PPFIA2: variants seen among roughly 807,000 people sequenced by gnomAD.
The protein encoded by PPFIA2 is PPFI scaffold protein A2.
PPFIA2 carries 46 observed loss-of-function variants against 175.5 expected under a neutral mutation model. The ratio of observed to expected loss-of-function variants is 0.26; its 90% confidence interval spans 0.21 to 0.34. The LOEUF (loss-of-function observed/expected upper bound fraction) is 0.34, where lower values mean the gene tolerates loss of function less well. PPFIA2 is among the 10% of genes least tolerant of loss of function. The probability of loss-of-function intolerance (pLI) is 1.00; values close to 1 mark genes in which losing one functional copy is unlikely to be tolerated. For synonymous variants in PPFIA2, 568 were observed against 511.4 expected (o/e 1.11, Z -1.49); for missense variants, 1,179 against 1,506.1 (o/e 0.78, Z 3.60).
chr12:81,552,951 T>A (rs1417630302), intron 4 of PPFIA2, among the ~76,000 whole-genome samples: 1 of 152,160 alleles, frequency 6.6e-6, no homozygotes, highest in South Asian at 2.1e-4. Flanking sequence ...TTTTTCCATA[T>A]AATAAATAGT....
At chr12:81,677,577 CA>C (rs2072788563) in intron 3 of PPFIA2, among the ~76,000 whole-genome samples, 1 of 151,882 alleles carries the variant, frequency 6.6e-6, no homozygotes, top group African/African-American at 2.4e-5. Flanking sequence ...ATAGCTCTTA[CA>C]TATGAGTAAG....
chr12:81,531,071 G>A (rs1015104159), intron 4 of PPFIA2, among the ~76,000 whole-genome samples: 12 of 151,800 alleles, frequency 7.9e-5, no homozygotes, highest in African/African-American at 2.7e-4. Flanking sequence ...ATAAATTCAA[G>A]ATGCAGGAAG....
intron 9 of PPFIA2, among the ~76,000 whole-genome samples, chr12:81,379,992 A>G (rs2037279411): frequency 6.6e-6 from 1 of 152,194 alleles, no homozygotes; most frequent in African/African-American, 2.4e-5. Context: ...ATTACAACAT[A>G]CATTTATTAC....
intron 4 of PPFIA2, among the ~76,000 whole-genome samples, chr12:81,653,069 C>T (rs1366562505): frequency 6.6e-6 from 1 of 152,074 alleles, no homozygotes; most frequent in Non-Finnish European, 1.5e-5. Context: ...ACCAAACTCC[C>T]ACCACTTACC....
At chr12:81,336,946 G>T (rs1339906417) in intron 21 of PPFIA2, among the ~76,000 whole-genome samples, 1 of 152,050 alleles carries the variant, frequency 6.6e-6, no homozygotes, top group East Asian at 1.9e-4. Flanking sequence ...GCAGTACTAG[G>T]TTGTAGTCCC....
chr12:81,442,284 T>C (rs2050319987), intron 6 of PPFIA2, among the ~76,000 whole-genome samples: 1 of 152,062 alleles, frequency 6.6e-6, no homozygotes, highest in South Asian at 2.1e-4. Context: ...AGTTATGTTA[T>C]AAATTGAAAA....
chr12:81,696,234 G>C (rs2075875390), intron 3 of PPFIA2, among the ~76,000 whole-genome samples: 1 of 152,160 alleles, frequency 6.6e-6, no homozygotes, highest in Admixed American at 6.6e-5. Flanking sequence ...GGGTTAAGTG[G>C]CAGTAGCACA....
At chr12:81,412,340 A>G (rs1016313892) in intron 7 of PPFIA2, among the ~76,000 whole-genome samples, 3 of 149,916 alleles carry the variant, frequency 2.0e-5, no homozygotes, top group Non-Finnish European at 4.5e-5. Context: ...GGAGGCAAAA[A>G]AAAAAAAAAA....
At chr12:81,734,952 T>C (rs950843071) in intron 3 of PPFIA2, among the ~76,000 whole-genome samples, 1 of 151,826 alleles carries the variant, frequency 6.6e-6, no homozygotes, top group African/African-American at 2.4e-5. Flanking sequence ...GCTTCCTTCA[T>C]TTAGCATGAT....
At chr12:81,405,760 T>C (rs1035391988) in intron 8 of PPFIA2, 27 bp downstream of exon 8, 3 of 1,223,670 alleles carry the variant, frequency 2.5e-6, no homozygotes, top group South Asian at 1.5e-5. Flanking sequence ...AACATTTCCA[T>C]GTAAGAGCAT....
At chr12:81,502,080 T>C (rs1047297414) in intron 4 of PPFIA2, among the ~76,000 whole-genome samples, 5 of 152,152 alleles carry the variant, frequency 3.3e-5, no homozygotes, top group African/African-American at 1.2e-4. Context: ...ACCTGATTTA[T>C]AATTTTGAGA....
intron 8 of PPFIA2, among the ~76,000 whole-genome samples, chr12:81,386,566 G>A (rs1395836701): frequency 1.3e-5 from 2 of 151,670 alleles, no homozygotes; most frequent in Non-Finnish European, 2.9e-5. Flanking sequence ...AGGTTGTAGT[G>A]AGCCATGATT....
chr12:81,372,513 GAAAA>G (rs3075257), intron 11 of PPFIA2, among the ~76,000 whole-genome samples: 21,309 of 93,654 alleles, frequency 0.23, 2,228 homozygotes, highest in East Asian at 0.49. Flanking sequence ...AATTGAAACA[GAAAA>G]AAAAAAAAAA....
At chr12:81,698,261 C>T (rs934698734) in intron 3 of PPFIA2, among the ~76,000 whole-genome samples, 1 of 151,928 alleles carries the variant, frequency 6.6e-6, no homozygotes, top group Non-Finnish European at 1.5e-5. Flanking sequence ...GAGGTGGGAC[C>T]CTTATGAGGT....
chr12:81,301,325 A>G (rs774416923), intron 22 of PPFIA2, among the ~76,000 whole-genome samples: 49 of 152,210 alleles, frequency 3.2e-4, no homozygotes, highest in Non-Finnish European at 8.8e-5. Flanking sequence ...TTGTGACATT[A>G]AAAGGGAAGA....
intron 16 of PPFIA2, among the ~76,000 whole-genome samples, chr12:81,353,853 C>T (rs1171588118): frequency 6.6e-6 from 1 of 152,116 alleles, no homozygotes; most frequent in Admixed American, 6.5e-5. Flanking sequence ...TACAGGTATA[C>T]TCCACAGAGA....
chr12:81,393,549 G>C (rs1227818868), intron 8 of PPFIA2, among the ~76,000 whole-genome samples: 4 of 152,010 alleles, frequency 2.6e-5, no homozygotes, highest in African/African-American at 9.7e-5. Flanking sequence ...TAAGAGAGTG[G>C]AGGAGGAAGA....
At chr12:81,318,171 A>G (rs909683865) in intron 22 of PPFIA2, among the ~76,000 whole-genome samples, 3 of 151,484 alleles carry the variant, frequency 2.0e-5, no homozygotes, top group African/African-American at 7.3e-5. Context: ...TCCTATTTCT[A>G]CCAGTCTTTG....
At chr12:81,720,856 C>G (rs1250560038) in intron 3 of PPFIA2, among the ~76,000 whole-genome samples, 1 of 151,096 alleles carries the variant, frequency 6.6e-6, no homozygotes, top group Non-Finnish European at 1.5e-5. Context: ...TAGCCAGAAT[C>G]AACTTTTGTT....
Sources: gnomAD v4.1 joint callset for allele counts (sites outside exome capture counted in the v4.1 genomes callset) on GRCh38, gnomAD v4.1.1 for gene constraint, MANE v1.5 for transcripts, NCBI Gene and HGNC (gene_info 2026-07-23, HGNC 2026-07-21) for gene names.